The following MGAT4C variants were observed in gnomAD, a reference collection of about 807,000 sequenced individuals.
MGAT4C encodes the protein alpha-1,3-mannosyl-glycoprotein 4-beta-N-acetylglucosaminyltransferase C.
A neutral mutation model predicts 40.1 loss-of-function variants in MGAT4C; 19 were observed. The observed-to-expected ratio is 0.47, with a 90% confidence interval of 0.33 to 0.70. The LOEUF is 0.70. MGAT4C is among the 30% of genes least tolerant of loss of function. The pLI, the probability that MGAT4C is intolerant of heterozygous loss-of-function variation, is 0.02. For synonymous variants in MGAT4C, 181 were observed against 187.1 expected, an observed-to-expected ratio of 0.97 and a Z score of 0.27; for missense variants, 491 against 563.2, an observed-to-expected ratio of 0.87 and a Z score of 1.30.
intron 1 of MGAT4C, among the ~76,000 whole-genome samples, chr12:86,182,537 CCCTT>C (rs1205158191): frequency 2.0e-5 from 3 of 152,210 alleles, no homozygotes; most frequent in South Asian, 4.1e-4. Context: ...TCTTCCCTCT[CCCTT>C]CCTACTTGCT....
chr12:86,201,897 T>C (rs1950066182), intron 1 of MGAT4C, among the ~76,000 whole-genome samples: 1 of 152,152 alleles, frequency 6.6e-6, no homozygotes, highest in Non-Finnish European at 1.5e-5. Context: ...TATGATTTTA[T>C]TGTTTTTATG....
chr12:86,295,830 A>G (rs1403683191), intron 4 of MGAT4C, among the ~76,000 whole-genome samples: 1 of 152,104 alleles, frequency 6.6e-6, no homozygotes, highest in Non-Finnish European at 1.5e-5. Flanking sequence ...GGATTGGTGC[A>G]TTCACAAACC....
At chr12:86,737,819 T>G (rs1951010573) in intron 1 of MGAT4C, among the ~76,000 whole-genome samples, 1 of 151,484 alleles carries the variant, frequency 6.6e-6, no homozygotes, top group South Asian at 2.1e-4. Context: ...CTTGAGTAAA[T>G]ACTACTGGCA....
At chr12:86,083,272 G>C (rs771397531) in intron 1 of MGAT4C, among the ~76,000 whole-genome samples, 7 of 151,860 alleles carry the variant, frequency 4.6e-5, no homozygotes, top group Non-Finnish European at 7.4e-5. Context: ...AATAATTAAG[G>C]CCTTTACCTA....
At chr12:86,004,847 G>A (rs529089139) in intron 2 of MGAT4C, among the ~76,000 whole-genome samples, 1 of 152,182 alleles carries the variant, frequency 6.6e-6, no homozygotes, top group East Asian at 1.9e-4. Context: ...ATGGGTTCTG[G>A]GTTGCAATTT....
chr12:86,705,173 A>G (rs1950431605), intron 2 of MGAT4C, among the ~76,000 whole-genome samples: 2 of 152,010 alleles, frequency 1.3e-5, no homozygotes, highest in Admixed American at 6.6e-5. Context: ...TGGTCTTCCA[A>G]GGTTTTCTAA....
chr12:86,600,507 G>T (rs1316466767), intron 2 of MGAT4C, among the ~76,000 whole-genome samples: 2 of 152,208 alleles, frequency 1.3e-5, no homozygotes, highest in African/African-American at 4.8e-5. Context: ...AATTAATTAG[G>T]ATGTCACAAA....
chr12:86,114,744 T>C (rs1164532095), intron 1 of MGAT4C, among the ~76,000 whole-genome samples: 1 of 151,990 alleles, frequency 6.6e-6, no homozygotes, highest in Non-Finnish European at 1.5e-5. Context: ...TGACAAACCA[T>C]GTCTCTGACT....
intron 3 of MGAT4C, among the ~76,000 whole-genome samples, chr12:86,335,852 A>G (rs1460715944): frequency 4.6e-5 from 7 of 152,136 alleles, no homozygotes. Context: ...CATGGCTAAT[A>G]TGGTCCAAAA....
intron 3 of MGAT4C, among the ~76,000 whole-genome samples, chr12:86,387,766 A>G (rs538509901): frequency 1.6e-4 from 25 of 152,268 alleles, no homozygotes; most frequent in African/African-American, 5.5e-4. Context: ...AAGGGGAAAA[A>G]AGTAGATCAT....
chr12:86,054,335 A>G (rs948315472), intron 1 of MGAT4C, among the ~76,000 whole-genome samples: 1 of 152,048 alleles, frequency 6.6e-6, no homozygotes, highest in Non-Finnish European at 1.5e-5. Context: ...CAGATATCAC[A>G]TGTTCTCACT....
intron 3 of MGAT4C, among the ~76,000 whole-genome samples, chr12:86,346,284 G>T (rs1005965546): frequency 9.9e-5 from 15 of 152,032 alleles, no homozygotes; most frequent in African/African-American, 3.4e-4. Context: ...GAATGCAGTG[G>T]CACAATCTCA....
intron 2 of MGAT4C, among the ~76,000 whole-genome samples, chr12:86,624,751 G>A (rs1962747427): frequency 6.6e-6 from 1 of 151,846 alleles, no homozygotes; most frequent in South Asian, 2.1e-4. Context: ...ACAATCATAA[G>A]AAAAGCACAG....
intron 2 of MGAT4C, among the ~76,000 whole-genome samples, chr12:86,032,186 T>C (rs2136908128): frequency 6.6e-6 from 1 of 152,144 alleles, no homozygotes; most frequent in South Asian, 2.1e-4. Context: ...TTTAGATTTA[T>C]TCCATGTCTT....
intron 4 of MGAT4C, among the ~76,000 whole-genome samples, chr12:86,268,716 C>CATAT (rs1952856393): frequency 7.9e-6 from 1 of 126,778 alleles, no homozygotes. Context: ...TATATATACA[C>CATAT]ATACACACAC....
At chr12:86,470,472 A>G (rs1957743100) in intron 2 of MGAT4C, among the ~76,000 whole-genome samples, 1 of 152,048 alleles carries the variant, frequency 6.6e-6, no homozygotes. Context: ...CCCAACACCA[A>G]ATGTGAGCCT....
intron 1 of MGAT4C, among the ~76,000 whole-genome samples, chr12:86,170,886 C>T (rs1481972026): frequency 2.6e-5 from 4 of 150,968 alleles, no homozygotes; most frequent in Admixed American, 6.6e-5. Context: ...CCAGGCTGGG[C>T]GACAGAGTGA....
chr12:86,320,956 C>T (rs1484781038), intron 4 of MGAT4C, among the ~76,000 whole-genome samples: 1 of 152,032 alleles, frequency 6.6e-6, no homozygotes. Context: ...TATTTAATCC[C>T]ATTCTTGCTC....
intron 4 of MGAT4C, among the ~76,000 whole-genome samples, chr12:86,301,439 A>C (rs2136139790): frequency 6.6e-6 from 1 of 152,352 alleles, no homozygotes; most frequent in Admixed American, 6.5e-5. Context: ...TACTATGGTT[A>C]TCATGAGCTA....
Sources: gnomAD v4.1 joint callset for allele counts (sites outside exome capture counted in the v4.1 genomes callset) on GRCh38, gnomAD v4.1.1 for gene constraint, MANE v1.5 for transcripts, NCBI Gene and HGNC (gene_info 2026-07-23, HGNC 2026-07-21) for gene names.